Variants in TENM2 observed in about 807,000 individuals in gnomAD.
TENM2 encodes the protein teneurin transmembrane protein 2, also known as teneurin-2.
A neutral mutation model predicts 245.2 loss-of-function variants in TENM2; 52 were observed. The ratio of observed to expected loss-of-function variants is 0.21; its 90% CI spans 0.17 to 0.27. The LOEUF (loss-of-function observed/expected upper bound fraction) is 0.27. Ranked by LOEUF, TENM2 falls within the 10% of genes least tolerant of loss-of-function variation. The pLI is 1.00. For synonymous variants in TENM2, 1,363 were observed against 1,438.9 expected (o/e 0.95, Z 1.19); for missense variants, 3,046 against 3,666.8 (o/e 0.83, Z 4.37).
chr5:167,640,475 A>T (rs1029795660), intron 2 of TENM2, among the ~76,000 whole-genome samples: 4 of 151,908 alleles, frequency 2.6e-5, no homozygotes, highest in Admixed American at 2.6e-4. Flanking sequence ...AAAATTAGCC[A>T]GGTGTGGTGG....
chr5:167,016,030 G>A, the TENM2 span, among the ~76,000 whole-genome samples: 15 of 152,042 alleles, frequency 9.9e-5, no homozygotes, highest in Non-Finnish European at 1.5e-4. Flanking sequence ...CAAGGCGGGC[G>A]GATCACGAGG....
intron 2 of TENM2, among the ~76,000 whole-genome samples, chr5:167,622,126 C>T (rs1309526130): frequency 1.3e-5 from 2 of 152,082 alleles, no homozygotes; most frequent in East Asian, 1.9e-4. Flanking sequence ...TTTATTAATG[C>T]AAGCAAAGTG....
At chr5:168,231,497 T>C (rs900539033) in intron 25 of TENM2, among the ~76,000 whole-genome samples, 2 of 152,210 alleles carry the variant, frequency 1.3e-5, no homozygotes, top group Non-Finnish European at 2.9e-5. Flanking sequence ...AGCCAGAGAC[T>C]GCACATGGAA....
At chr5:168,212,547 A>G (rs1174183052) in intron 20 of TENM2, among the ~76,000 whole-genome samples, 1 of 152,232 alleles carries the variant, frequency 6.6e-6, no homozygotes, top group African/African-American at 2.4e-5. Flanking sequence ...TCACTTTTTG[A>G]AATGAAACAT....
chr5:167,392,302 C>T (rs951854519), intron 2 of TENM2, among the ~76,000 whole-genome samples: 3 of 152,116 alleles, frequency 2.0e-5, no homozygotes, highest in African/African-American at 7.2e-5. Flanking sequence ...AGGATGTCCA[C>T]GTAGCTGGTT....
the TENM2 span, among the ~76,000 whole-genome samples, chr5:167,086,501 A>G: frequency 6.6e-6 from 1 of 152,180 alleles, no homozygotes; most frequent in African/African-American, 2.4e-5. Flanking sequence ...ACTCAGGAGA[A>G]TGCCTAGCCA....
intron 2 of TENM2, among the ~76,000 whole-genome samples, chr5:167,802,150 C>G (rs746977132): frequency 1.3e-5 from 2 of 152,070 alleles, no homozygotes; most frequent in Non-Finnish European, 2.9e-5. Flanking sequence ...GAGGGCAGAG[C>G]CTTCATGGCC....
intron 2 of TENM2, among the ~76,000 whole-genome samples, chr5:167,578,102 G>A (rs1774836633): frequency 6.6e-6 from 1 of 152,236 alleles, no homozygotes; most frequent in Admixed American, 6.5e-5. Context: ...AGCCACTGGA[G>A]AGGGGTGATC....
intron 1 of TENM2, among the ~76,000 whole-genome samples, chr5:167,363,635 G>A (rs561119283): frequency 6.7e-6 from 1 of 149,578 alleles, no homozygotes. Flanking sequence ...GGAGGCTGAG[G>A]CAGGAGAATG....
chr5:167,933,600 G>A (rs1484979417), intron 3 of TENM2, among the ~76,000 whole-genome samples: 2 of 152,074 alleles, frequency 1.3e-5, no homozygotes, highest in East Asian at 3.9e-4. Flanking sequence ...TCGAGCGTTT[G>A]CAGACAGTGA....
intron 8 of TENM2, among the ~76,000 whole-genome samples, chr5:168,091,180 G>A (rs1188212928): frequency 1.3e-5 from 2 of 152,054 alleles, no homozygotes; most frequent in East Asian, 1.9e-4. Flanking sequence ...GAAACTACTG[G>A]CGATTCACAT....
chr5:167,775,215 G>A lies in TENM2; in HGVS notation c.503-100771G>A, dbSNP rs111304691. Among the ~76,000 whole-genome samples, 1,178 of 152,190 alleles carry A rather than the reference G, an allele frequency of 7.7e-3. 5 individuals carry two copies. The highest frequency in any genetic ancestry group is 0.015 in the African/African-American group (640 of 41,522). On this transcript the variant is annotated intron_variant, in intron 2 of 28. Transcript: ENST00000518659. ...ACTCCCAACCTCAGGTGATCTGCCC[G>A]CCTCGGCCTCCCAAAGTGCTGGGAT...
chr5:168,131,955 G>A (rs900802199), intron 12 of TENM2, among the ~76,000 whole-genome samples: 19 of 152,208 alleles, frequency 1.2e-4, no homozygotes, highest in South Asian at 6.2e-4. Context: ...TAAAGCGATG[G>A]CCTTTTACTG....
At chr5:167,056,587 ATC>A in the TENM2 span, among the ~76,000 whole-genome samples, 1 of 146,466 alleles carries the variant, frequency 6.8e-6, no homozygotes, top group Admixed American at 6.9e-5. Flanking sequence ...ATATAAATAT[ATC>A]TATATAAATA....
chr5:167,041,293 A>G, the TENM2 span, among the ~76,000 whole-genome samples: 1 of 152,216 alleles, frequency 6.6e-6, no homozygotes, highest in Non-Finnish European at 1.5e-5. Context: ...CCTTTGATAG[A>G]GAAGATTCCC....
chr5:167,009,211 G>A, the TENM2 span, among the ~76,000 whole-genome samples: 3 of 152,152 alleles, frequency 2.0e-5, no homozygotes, highest in African/African-American at 7.2e-5. Flanking sequence ...GCATGTTTGC[G>A]TGACATACAC....
intron 1 of TENM2, among the ~76,000 whole-genome samples, chr5:167,347,302 C>G (rs1404254187): frequency 6.6e-6 from 1 of 152,150 alleles, no homozygotes; most frequent in Non-Finnish European, 1.5e-5. Context: ...TCTTCTATGG[C>G]TGTTTGCTAT....
intron 12 of TENM2, among the ~76,000 whole-genome samples, chr5:168,128,146 C>G (rs1287196051): frequency 2.0e-5 from 3 of 152,240 alleles, no homozygotes; most frequent in Admixed American, 6.5e-5. Flanking sequence ...CAATCAGGGC[C>G]ACGACCATAG....
intron 2 of TENM2, among the ~76,000 whole-genome samples, chr5:167,833,839 C>T (rs998332140): frequency 2.0e-5 from 3 of 152,190 alleles, no homozygotes; most frequent in Non-Finnish European, 2.9e-5. Flanking sequence ...AAATCTTTCC[C>T]AATTCCAGAT....
Sources: gnomAD v4.1 joint callset for allele counts (sites outside exome capture counted in the v4.1 genomes callset) on GRCh38, gnomAD v4.1.1 for gene constraint, MANE v1.5 for transcripts, NCBI Gene and HGNC (gene_info 2026-07-23, HGNC 2026-07-21) for gene names.